Variants in HEATR6 observed in about 807,000 individuals in gnomAD.
HEATR6 encodes HEAT repeat-containing protein 6.
Under a neutral mutation model 132.8 loss-of-function variants are expected in HEATR6, and 106 were observed. The observed-to-expected ratio is 0.80, with a 90% confidence interval of 0.68 to 0.94. The LOEUF (loss-of-function observed/expected upper bound fraction) is 0.94. Ranked by LOEUF, HEATR6 falls within the 40% of genes least tolerant of loss-of-function variation. HEATR6 has a pLI of 0.00. For synonymous variants in HEATR6, 529 were observed against 537.8 expected (o/e 0.98, Z 0.23); for missense variants, 1,339 against 1,425.1 (o/e 0.94, Z 0.97).
chr17:60,068,763 ATC>A lies in HEATR6; in HGVS notation c.939+946_939+947del, dbSNP rs1432937219. ...TGTCTGTACTGCTACTCACTCTGAA[ATC>A]TCTGTTTAGCTACCACACCTTTAAA... On this transcript the variant is annotated intron_variant, in intron 7 of 19. Coordinates refer to ENST00000184956, the MANE Select transcript of HEATR6 (RefSeq NM_022070.5). Among the ~76,000 whole-genome samples the A allele has an allele frequency of 5.3e-5, 8 of 152,042 alleles. No individual in the cohort carries two copies. The East Asian group carries it at 1.2e-3, about 22-fold the overall frequency.
rs1013537560 is a variant in HEATR6, at chr17:60,073,387, A to C, written c.469-108T>G. 4 of 671,148 alleles carry C rather than the reference A, an allele frequency of 6.0e-6. No individual in the cohort carries two copies. The African/African-American group carries it at 7.2e-5, about 12-fold the overall frequency. 41.6% of individuals were successfully genotyped at this position (671,148 alleles called of 1,614,324 possible). A position where few individuals can be genotyped will look rare whatever the true frequency, so the allele number is the denominator to read the frequency against. On this transcript the variant is annotated intron_variant, in intron 3 of 19. Transcript: ENST00000184956. ...TTTAACTAAATGGCAGTTAAGCACCAAAAGACTAGCTGTTAGATAAATGTC... is the reference window on the plus strand; with the variant it reads ...TTTAACTAAATGGCAGTTAAGCACCCAAAGACTAGCTGTTAGATAAATGTC...
chr17:60,046,952 G>A (rs902432719), intron 18 of HEATR6, among the ~76,000 whole-genome samples: 15 of 151,932 alleles, frequency 9.9e-5, no homozygotes, highest in Admixed American at 2.6e-4. Context: ...CCAGACATGT[G>A]CTTTTTAAAC....
intron 3 of HEATR6, 98 bp from the exon 4 acceptor site, chr17:60,073,377 G>T: frequency 1.4e-6 from 1 of 711,456 alleles, no homozygotes; most frequent in Non-Finnish European, 2.4e-6. Context: ...CTAAATGGCA[G>T]TTAAGCACCA....
At chr17:60,052,872 A>T (rs1339382269) in intron 14 of HEATR6, among the ~76,000 whole-genome samples, 1 of 152,098 alleles carries the variant, frequency 6.6e-6, no homozygotes, top group Non-Finnish European at 1.5e-5. Context: ...GACACGGGTA[A>T]CGGAATTACC....
At chr17:60,060,246 G>A in intron 9 of HEATR6, 150 bp from the exon 10 acceptor site, 1 of 613,234 alleles carries the variant, frequency 1.6e-6, no homozygotes, top group South Asian at 2.1e-5. Flanking sequence ...CTAAAAACTA[G>A]GCCACTTGCG....
Position 60,044,033 on chromosome 17 carries a change from C to T in HEATR6, c.3076G>A (p.Val1026Ile), listed in dbSNP as rs752770560. 15 of 1,614,048 alleles carry T rather than the reference C, an allele frequency of 9.3e-6. No homozygotes were observed. The highest frequency in any genetic ancestry group is 5.5e-5 in the South Asian group (5 of 91,082). The change falls in exon 20 of 20, where the codon GTC (valine) becomes ATC (isoleucine). Residue 1026 changes from valine to isoleucine, a missense_variant. Transcript: ENST00000184956. ...VRIRSAAALS[V>I]PGKREQYGSV... Reference sequence around the variant, plus strand: ...CCGTACTGCTCTCTCTTCCCCGGGACGGAAAGGGCAGCTGCAGATCTGATG... The same window carrying T: ...CCGTACTGCTCTCTCTTCCCCGGGATGGAAAGGGCAGCTGCAGATCTGATG...
chr17:60,072,917 A>G (rs1270110919), intron 4 of HEATR6, among the ~76,000 whole-genome samples: 4 of 152,234 alleles, frequency 2.6e-5, no homozygotes, highest in African/African-American at 9.6e-5. Flanking sequence ...AAATTTTGAC[A>G]TACTGCACAT....
chr17:60,069,632 T>C (rs576176261), intron 7 of HEATR6, 79 bp downstream of exon 7: 1 of 1,356,480 alleles, frequency 7.4e-7, no homozygotes, highest in East Asian at 2.3e-5. Context: ...AGGGTAGTAG[T>C]GATGCAAATC....
chr17:60,046,287 T>C, intron 18 of HEATR6, 58 bp from the exon 19 acceptor site: 2 of 1,410,648 alleles, frequency 1.4e-6, no homozygotes, highest in Non-Finnish European at 1.9e-6. Context: ...TTTCCAAAAG[T>C]CTAATTTCAG....
In HEATR6 at chr17:60,067,691, C is replaced by T; in HGVS notation, c.981G>A (p.Gln327=). 1 of 1,613,356 alleles carries T rather than the reference C, an allele frequency of 6.2e-7. No homozygotes were observed. The highest frequency in any genetic ancestry group is 8.5e-7 in the Non-Finnish European group (1 of 1,179,742). Residue 327 remains glutamine, a synonymous_variant, in exon 8 of 20, where the codon CAG becomes CAA. Coordinates refer to ENST00000184956, the MANE Select transcript of HEATR6 (RefSeq NM_022070.5). ...ATTCCTTTTCCTCCTCCTCTCCTTG[C>T]TGGATTTTCTTTGGTTTTACTTTGG... is the stretch of plus-strand genomic sequence containing the variant. ...KKSKVKPKKI[Q]QGEEEEKESS...
At chr17:60,048,422 A>T in intron 16 of HEATR6, 34 bp from the exon 17 acceptor site, 1 of 1,576,406 alleles carries the variant, frequency 6.3e-7, no homozygotes, top group Admixed American at 1.7e-5. Context: ...CAGTTACTTT[A>T]GCAGGTCATG....
At chr17:60,051,377 T>G (rs562022431) in intron 14 of HEATR6, among the ~76,000 whole-genome samples, 1 of 152,348 alleles carries the variant, frequency 6.6e-6, no homozygotes, top group African/African-American at 2.4e-5. Context: ...GTAGCATTAT[T>G]CCTACTTTTT....
intron 19 of HEATR6, among the ~76,000 whole-genome samples, chr17:60,044,497 A>G (rs1211553636): frequency 1.3e-5 from 2 of 152,158 alleles, no homozygotes; most frequent in Non-Finnish European, 2.9e-5. Flanking sequence ...AACCCCACCT[A>G]TCCTCTCAGC....
rs570715769 is a variant in HEATR6 at position 60,070,468 on chromosome 17, G to A, written c.801+238C>T. On this transcript the variant is annotated intron_variant, in intron 6 of 19. Transcript: ENST00000184956. Reference sequence around the variant, plus strand: ...ATTCTATAGGTCATACTCCCCTACCGATTCCCTTCCTAAGATTCATAAATA... The same window carrying A: ...ATTCTATAGGTCATACTCCCCTACCAATTCCCTTCCTAAGATTCATAAATA... Among the ~76,000 whole-genome samples, 9 of 152,230 alleles carry A rather than the reference G, an allele frequency of 5.9e-5. No homozygotes were observed. The East Asian group carries it at 1.7e-3, about 29-fold the overall frequency.
At chr17:60,056,912 C>T (rs1450430707) in intron 12 of HEATR6, 136 bp downstream of exon 12, 4 of 616,756 alleles carry the variant, frequency 6.5e-6, no homozygotes, top group African/African-American at 1.8e-5. Context: ...CAAAACAATA[C>T]ACCACCCATA....
chr17:60,048,983 A>AAT (rs35114523), intron 16 of HEATR6, among the ~76,000 whole-genome samples: 6,034 of 69,106 alleles, frequency 0.087, 270 homozygotes, highest in Non-Finnish European at 0.1. Flanking sequence ...ATATATATAT[A>AAT]ATATATATAT....
In HEATR6 at chr17:60,078,801, G is replaced by A. The variant is rs750392159; in HGVS notation, c.114C>T (p.Cys38=). 18 of 1,597,124 alleles carry A rather than the reference G, an allele frequency of 1.1e-5. No homozygotes were observed. Among genetic ancestry groups the A allele is most frequent in the Non-Finnish European group, 1.4e-5 (17 of 1,172,726 alleles). Residue 38 remains cysteine (C), a synonymous_variant, in exon 1 of 20, where the codon TGC becomes TGT. Transcript: ENST00000184956. The part of the protein sequence containing the change: ...NGFRLLSARL[C]ALRPDDSSSA... ...AGCTGCTGTCATCCGGGCGCAGGGC[G>A]CAGAGCCTGGCAGACAAGAGGCGAA...
rs748095760 is a variant in HEATR6, at chr17:60,059,875, C to T, written c.1623+15G>A. ...ACAGAGAAGCCTGCTCTGGAACCCACAGTTGGTACATTACCTTAATTATCT... is the reference window on the plus strand; with the variant it reads ...ACAGAGAAGCCTGCTCTGGAACCCATAGTTGGTACATTACCTTAATTATCT... On this transcript the variant is annotated intron_variant, in intron 10 of 19. Transcript: ENST00000184956. 9 of 1,601,478 alleles carry T rather than the reference C, an allele frequency of 5.6e-6. No homozygotes were observed. Among genetic ancestry groups the T allele is most frequent in the Non-Finnish European group, 7.7e-6 (9 of 1,168,818 alleles).
At chr17:60,075,759 G>C (rs1296213928) in intron 2 of HEATR6, 1 of 152,554 alleles carries the variant, frequency 6.6e-6, no homozygotes, top group Admixed American at 6.6e-5. Context: ...CAGAAGAATG[G>C]TGTAAACTCG....
Sources: allele counts gnomAD v4.1 joint callset (sites outside exome capture counted in the v4.1 genomes callset), GRCh38; gene constraint gnomAD v4.1.1; transcripts MANE v1.5; gene names NCBI Gene and HGNC (gene_info 2026-07-23, HGNC 2026-07-21).